TTLL3: variants seen among roughly 807,000 people sequenced by gnomAD.
TTLL3 encodes tubulin monoglycylase TTLL3.
TTLL3 carries 63 observed loss-of-function variants against 75.2 expected under a neutral mutation model. The ratio of observed to expected loss-of-function variants is 0.84; its 90% CI spans 0.68 to 1.03. TTLL3 has a LOEUF of 1.03. Among genes scored for constraint, TTLL3 ranks in the 50% least tolerant of loss-of-function variants. The pLI, the probability that TTLL3 is intolerant of heterozygous loss-of-function variation, is 0.00. For synonymous variants in TTLL3, 393 were observed against 418.5 expected (o/e 0.94, Z 0.74); for missense variants, 997 against 1,069.9 (o/e 0.93, Z 0.95).
intron 4 of TTLL3, among the ~76,000 whole-genome samples, chr3:9,815,411 T>C (rs114896480): frequency 0.01 from 1,576 of 152,330 alleles, 11 homozygotes; most frequent in Middle Eastern, 0.031. Context: ...TTATGGTGAA[T>C]GAATTGACGT....
chr3:9,829,002 G>C lies in TTLL3; in HGVS notation c.1290G>C (p.Glu430Asp), dbSNP rs143204925. 1.2e-6 allele frequency: 2 copies of C among 1,614,244 alleles called. No homozygotes were observed. The highest frequency in any genetic ancestry group is 2.7e-5 in the African/African-American group (2 of 75,062). ...ACAACTCCATCCAGAAGCACCTGGA[G>C]AACTCATGCCATCGGCATCCACTGC... ...LCNNSIQKHL[E>D]NSCHRHPLLP... is the part of the protein sequence containing the mutation. Residue 430 changes from glutamate to aspartate, a missense_variant, in exon 11 of 14, where the codon GAG (glutamate) becomes GAC (aspartate). By Grantham distance (45) the Glu-to-Asp change is conservative (BLOSUM62 2). Coordinates refer to ENST00000685419, the MANE Select transcript of TTLL3 (RefSeq NM_001387446.1).
chr3:9,812,904 C>G (rs2079484921), intron 2 of TTLL3, 39 bp from the exon 3 acceptor site: 1 of 1,468,968 alleles, frequency 6.8e-7, no homozygotes, highest in Admixed American at 2.4e-5. Context: ...GGCACTTATG[C>G]AATACTTATT....
intron 2 of TTLL3, among the ~76,000 whole-genome samples, chr3:9,811,891 T>C (rs2079388473): frequency 6.6e-6 from 1 of 152,236 alleles, no homozygotes; most frequent in South Asian, 2.1e-4. Flanking sequence ...CCTTTCAACC[T>C]TCCCTGACCA....
rs201609769 is a variant in TTLL3 at position 9,820,605 on chromosome 3, G to A, written c.718G>A (p.Asp240Asn). The A allele has an allele frequency of 9.3e-6, 15 of 1,614,012 alleles. No homozygotes were observed. Among genetic ancestry groups the A allele is most frequent in the African/African-American group, 8.0e-5 (6 of 74,904 alleles). ...AGTGTTGGTGTCCCCAGAGTTTGTGGATGAAGCTCTGTGTGCGTGCGAGGA... is the reference window on the plus strand; with the variant it reads ...AGTGTTGGTGTCCCCAGAGTTTGTGAATGAAGCTCTGTGTGCGTGCGAGGA... ...NPVLVSPEFV[D>N]EALCACEEYL... Residue 240 changes from aspartate to asparagine, a missense_variant, in exon 8 of 14, where the codon GAT becomes AAT. By Grantham distance (23) the Asp-to-Asn change is conservative. Transcript: ENST00000685419.
chr3:9,835,572 C>T lies in TTLL3; in HGVS notation c.*83C>T, dbSNP rs1169404853. 7.4e-7 allele frequency: 1 copy of T among 1,344,806 alleles called. No individual in the cohort carries two copies. Among genetic ancestry groups the T allele is most frequent in the African/African-American group, 1.5e-5 (1 of 68,382 alleles). 83.3% of individuals were successfully genotyped at this position (1,344,806 alleles called of 1,614,324 possible). A position where few individuals can be genotyped will look rare whatever the true frequency, so the allele number is the denominator to read the frequency against. On this transcript the variant is annotated 3_prime_UTR_variant, in exon 14 of 14. Coordinates refer to ENST00000685419, the MANE Select transcript of TTLL3 (RefSeq NM_001387446.1). ...TGGGGCTTCCTATTTAGGGACTCCC[C>T]CAGCATCTCCGATCCAGGGGTGGGG... is the stretch of plus-strand genomic sequence containing the variant.
At chr3:9,827,351 C>G (rs2081139845) in intron 10 of TTLL3, 111 bp downstream of exon 10, 3 of 1,503,278 alleles carry the variant, frequency 2.0e-6, no homozygotes, top group Non-Finnish European at 2.7e-6. Flanking sequence ...GCTCCACACA[C>G]AGACTGCAGG....
At chr3:9,819,768 C>T in intron 7 of TTLL3, 1 of 985,506 alleles carries the variant, frequency 1.0e-6, no homozygotes, top group Non-Finnish European at 1.2e-6. Context: ...AAATCCCTGC[C>T]TCTTCCAGAG....
intron 5 of TTLL3, chr3:9,817,373 G>A (rs992752284): frequency 5.5e-5 from 52 of 938,012 alleles, no homozygotes; most frequent in Admixed American, 4.9e-4. Context: ...ACAGTGAGCC[G>A]AGATCGCGCC....
In TTLL3 at chr3:9,826,045, A is replaced by G. The variant is rs1345741766; in HGVS notation, c.1003+97A>G. 2.7e-6 allele frequency: 4 copies of G among 1,507,366 alleles called. No individual in the cohort carries two copies. The East Asian group carries it at 9.4e-5, about 36-fold the overall frequency. The allele number at this position is 1,507,366 out of a possible 1,614,324, so 93.4% of individuals were successfully genotyped here. A position where few individuals can be genotyped will look rare whatever the true frequency, so the allele number is the denominator to read the frequency against. ...AATAGTGCAGGTCTATTGAAGCCAA[A>G]TTGCCTGGGTTTGAGTCCTAGCTCT... On this transcript the variant is annotated intron_variant, in intron 9 of 13. Coordinates refer to ENST00000685419, the MANE Select transcript of TTLL3 (RefSeq NM_001387446.1).
chr3:9,831,993 G>A (rs1011437747), intron 11 of TTLL3, among the ~76,000 whole-genome samples: 2 of 150,630 alleles, frequency 1.3e-5, no homozygotes, highest in Non-Finnish European at 3.0e-5. Flanking sequence ...GTTTCGCCAT[G>A]TTGGCCAGGC....
At chr3:9,825,685 G>A in intron 8 of TTLL3, 115 bp from the exon 9 acceptor site, 1 of 1,583,774 alleles carries the variant, frequency 6.3e-7, no homozygotes, top group East Asian at 2.3e-5. Flanking sequence ...TGCAGGGAGG[G>A]CGTGACCAAG....
At chr3:9,819,275 A>G (rs957319928) in intron 7 of TTLL3, 1 of 257,158 alleles carries the variant, frequency 3.9e-6, no homozygotes, top group African/African-American at 2.2e-5. Context: ...CCACAGATCC[A>G]CCTACCCATC....
chr3:9,822,392 T>A (rs1559741394), intron 8 of TTLL3, among the ~76,000 whole-genome samples: 2 of 151,860 alleles, frequency 1.3e-5, no homozygotes, highest in African/African-American at 4.8e-5. Context: ...TTCTGGTGTG[T>A]GGGGGCAAGT....
At position 9,820,580 on chromosome 3, in the gene TTLL3, A is replaced by C. The variant is rs745503989; in HGVS notation, c.693A>C (p.Pro231=). 6.2e-7 allele frequency: 1 copy of C among 1,614,052 alleles called. No homozygotes were observed. Among genetic ancestry groups the C allele is most frequent in the African/African-American group, 1.3e-5 (1 of 75,000 alleles). Residue 231 remains proline (P), a synonymous_variant, in exon 8 of 14, where the codon CCA becomes CCC. Transcript: ENST00000685419. ...AGCCCAAGAAACAGGAGAAAAACCC[A>C]GTGTTGGTGTCCCCAGAGTTTGTGG... ...DKQPKKQEKN[P]VLVSPEFVDE...
In TTLL3 at chr3:9,827,249, C is replaced by T. The variant is rs565480843; in HGVS notation, c.1247+9C>T. The T allele has an allele frequency of 1.9e-6, 3 of 1,611,954 alleles. No individual in the cohort carries two copies. The highest frequency in any genetic ancestry group is 1.1e-5 in the South Asian group (1 of 91,028). ...CTGAAGAACCTGGACAAGTGAGCCC[C>T]TCTGCTCGCCTCCCACGAGCTCCCT... On this transcript the variant is annotated intron_variant, in intron 10 of 13. Transcript: ENST00000685419.
chr3:9,834,536 T>G (rs1317134419), intron 12 of TTLL3, 145 bp from the exon 13 acceptor site: 1 of 1,305,020 alleles, frequency 7.7e-7, no homozygotes, highest in Admixed American at 2.0e-5. Context: ...TTCTTCTCAC[T>G]GCCTCTGGAG....
chr3:9,817,446 G>T (rs2079990153), intron 5 of TTLL3, 199 bp from the exon 6 acceptor site: 2 of 985,128 alleles, frequency 2.0e-6, no homozygotes, highest in Non-Finnish European at 2.4e-6. Context: ...AATGTGAAAG[G>T]GGGGACAGGA....
intron 11 of TTLL3, among the ~76,000 whole-genome samples, chr3:9,831,052 C>T (rs1407917107): frequency 2.6e-5 from 4 of 152,184 alleles, no homozygotes; most frequent in Non-Finnish European, 2.9e-5. Flanking sequence ...TTGCCCGCCT[C>T]GGCCTCCCAA....
intron 12 of TTLL3, chr3:9,834,390 A>G (rs1410989088): frequency 4.9e-6 from 3 of 607,508 alleles, no homozygotes; most frequent in South Asian, 1.5e-5. Context: ...GTTTACACCA[A>G]CCTAGCAAGG....
Sources: allele counts gnomAD v4.1 joint callset (sites outside exome capture counted in the v4.1 genomes callset), GRCh38; gene constraint gnomAD v4.1.1; transcripts MANE v1.5; gene names NCBI Gene and HGNC (gene_info 2026-07-23, HGNC 2026-07-21).